GSTA2: variants seen among roughly 807,000 people sequenced by gnomAD.
The protein encoded by GSTA2 is glutathione S-transferase alpha 2.
A neutral mutation model predicts 22.4 loss-of-function variants in GSTA2; 27 were observed. The ratio of observed to expected loss-of-function variants is 1.21; its 90% CI spans 0.89 to 1.67. GSTA2 has a LOEUF of 1.67. GSTA2 is among the 40% of genes most tolerant of loss of function. The pLI is 0.00. For synonymous variants in GSTA2, 121 were observed against 86.8 expected (o/e 1.39, Z -2.19); for missense variants, 302 against 260.2 (o/e 1.16, Z -1.11).
At chr6:52,755,758 G>A (rs532962489) in intron 3 of GSTA2, among the ~76,000 whole-genome samples, 53 of 150,124 alleles carry the variant, frequency 3.5e-4, no homozygotes, top group South Asian at 1.0e-3. Flanking sequence ...TGGTGTTTAT[G>A]ATATTTAAGG....
intron 1 of GSTA2, among the ~76,000 whole-genome samples, chr6:52,762,189 G>T (rs540927205): frequency 2.6e-4 from 39 of 152,316 alleles, no homozygotes; most frequent in African/African-American, 8.9e-4. Context: ...CCATGTGATA[G>T]TCTGAAATAT....
chr6:52,750,914 T>C (rs73740505), intron 6 of GSTA2, among the ~76,000 whole-genome samples: 1,700 of 152,352 alleles, frequency 0.011, 32 homozygotes, highest in African/African-American at 0.038. Context: ...GAAATTTTAA[T>C]CAGTTCAGTC....
At position 52,750,595 on chromosome 6, in the gene GSTA2, C is replaced by T. The variant is rs753132704; in HGVS notation, c.651G>A (p.Arg217=). The change falls in exon 7 of 7, where the codon AGG becomes AGA. Residue 217 remains arginine (R), a synonymous_variant. Coordinates refer to ENST00000493422, the MANE Select transcript of GSTA2 (RefSeq NM_000846.5). ...PMDEKSLEES[R]KIFRF Reference sequence around the variant, plus strand: ...TGGTTTATTAAAACCTGAAAATCTTCCTTGATTCTTCTAAAGATTTCTCAT... The same window carrying T: ...TGGTTTATTAAAACCTGAAAATCTTTCTTGATTCTTCTAAAGATTTCTCAT... The T allele has an allele frequency of 1.2e-5, 19 of 1,613,796 alleles. No individual in the cohort carries two copies. The highest frequency in any genetic ancestry group is 2.2e-5 in the South Asian group (2 of 91,090).
intron 4 of GSTA2, among the ~76,000 whole-genome samples, chr6:52,753,980 T>G (rs1762793398): frequency 1.3e-5 from 2 of 152,226 alleles, no homozygotes; most frequent in Admixed American, 1.3e-4. Flanking sequence ...CTATAATATG[T>G]GGCCTTCTGT....
chr6:52,750,763 T>A, intron 6 of GSTA2, 64 bp from the exon 7 acceptor site: 1 of 1,583,076 alleles, frequency 6.3e-7, no homozygotes, highest in Non-Finnish European at 8.6e-7. Context: ...CCCATTAACA[T>A]GACCCAGGGA....
At chr6:52,761,114 A>T (rs1017884305) in intron 1 of GSTA2, among the ~76,000 whole-genome samples, 36 of 152,172 alleles carry the variant, frequency 2.4e-4, no homozygotes, top group Non-Finnish European at 3.7e-4. Flanking sequence ...CTCTTCTTAG[A>T]TTAGAGATAG....
At chr6:52,750,764 G>T (rs1296999939) in intron 6 of GSTA2, 65 bp from the exon 7 acceptor site, 6 of 1,580,742 alleles carry the variant, frequency 3.8e-6, no homozygotes, top group African/African-American at 1.4e-5. Context: ...CCATTAACAT[G>T]ACCCAGGGAA....
At chr6:52,754,896 A>G (rs773714078) in intron 4 of GSTA2, 47 bp downstream of exon 4, 1 of 1,610,902 alleles carries the variant, frequency 6.2e-7, no homozygotes, top group Non-Finnish European at 8.5e-7. Context: ...AAGGACCTAA[A>G]TCACTCTATG....
In GSTA2 at chr6:52,752,663, T is replaced by G. The variant is rs184171877; in HGVS notation, c.414+191A>C. Among the ~76,000 whole-genome samples the G allele has an allele frequency of 4.6e-5, 7 of 152,358 alleles. No homozygotes were observed. In the East Asian group the frequency reaches 1.3e-3, roughly 29 times the overall value. Reference sequence around the variant, plus strand: ...AAATTAAAATTTTACTGGAAGATTATAGCTTGGGTATAAGTGATACAATTG... The same window carrying G: ...AAATTAAAATTTTACTGGAAGATTAGAGCTTGGGTATAAGTGATACAATTG... On this transcript the variant is annotated intron_variant, in intron 5 of 6. Transcript: ENST00000493422.
chr6:52,758,232 G>A (rs1297022240), intron 1 of GSTA2, among the ~76,000 whole-genome samples: 1 of 152,154 alleles, frequency 6.6e-6, no homozygotes, highest in East Asian at 1.9e-4. Flanking sequence ...AGAGGTGAGA[G>A]TATGTGGTAA....
In GSTA2 at chr6:52,755,085, G is replaced by T. The variant is rs1411975149; in HGVS notation, c.140-10C>A. ...AACATCAAATATCCATCTTTAAGAG[G>T]AAGAAAAAAAAGGAGAGTGAAGTGT... On this transcript the variant is annotated splice_polypyrimidine_tract_variant and intron_variant, in intron 3 of 6. Coordinates refer to ENST00000493422, the MANE Select transcript of GSTA2 (RefSeq NM_000846.5). 2 of 1,602,336 alleles carry T rather than the reference G, an allele frequency of 1.2e-6. No homozygotes were observed. Among genetic ancestry groups the T allele is most frequent in the South Asian group, 2.3e-5 (2 of 88,792 alleles).
At chr6:52,758,119 T>G in intron 1 of GSTA2, 142 bp from the exon 2 acceptor site, 2 of 586,608 alleles carry the variant, frequency 3.4e-6, no homozygotes, top group Non-Finnish European at 6.0e-6. Context: ...GTTCCCGGAA[T>G]GTTTTCTTGG....
intron 1 of GSTA2, among the ~76,000 whole-genome samples, chr6:52,759,629 G>T (rs1381382214): frequency 3.6e-5 from 4 of 112,010 alleles, no homozygotes; most frequent in African/African-American, 1.4e-4. Context: ...TTTTTGCCCA[G>T]GCTGCAGTGC....
At chr6:52,754,603 C>T (rs1343067136) in intron 4 of GSTA2, among the ~76,000 whole-genome samples, 1 of 152,182 alleles carries the variant, frequency 6.6e-6, no homozygotes, top group Non-Finnish European at 1.5e-5. Context: ...CTATGCCTGT[C>T]CTAAGCCATT....
intron 5 of GSTA2, among the ~76,000 whole-genome samples, chr6:52,752,033 G>A (rs201862977): frequency 1.3e-5 from 2 of 152,140 alleles, no homozygotes; most frequent in Non-Finnish European, 2.9e-5. Flanking sequence ...CCCAGGCCCT[G>A]CAGTGTGGAG....
At chr6:52,756,175 C>G in intron 3 of GSTA2, 83 bp downstream of exon 3, 15 of 867,814 alleles carry the variant, frequency 1.7e-5, no homozygotes, top group Non-Finnish European at 9.8e-6. Flanking sequence ...GCCCCACACC[C>G]ATAGACATTG....
Position 52,760,376 on chromosome 6 carries a change from T to G in GSTA2, c.-30-2399A>C, listed in dbSNP as rs2608628. On this transcript the variant is annotated intron_variant, in intron 1 of 6. Transcript: ENST00000493422. Reference sequence around the variant, plus strand: ...GTCAGGCTAAGACTGAGACATAAGTTACCATTGAGCTTTGTTGGGTCAACA... The same window carrying G: ...GTCAGGCTAAGACTGAGACATAAGTGACCATTGAGCTTTGTTGGGTCAACA... 3.8e-3 allele frequency among the ~76,000 whole-genome samples: 577 copies of G among 152,306 alleles called. 5 individuals carry two copies. Among genetic ancestry groups the G allele is most frequent in the African/African-American group, 0.013 (537 of 41,572 alleles).
chr6:52,758,915 C>T (rs531587309), intron 1 of GSTA2, among the ~76,000 whole-genome samples: 1 of 152,262 alleles, frequency 6.6e-6, no homozygotes, highest in South Asian at 2.1e-4. Context: ...TTGTTATTCT[C>T]ATTTTACATT....
rs1762715329 is a variant in GSTA2, at chr6:52,750,516, T to G, written c.*61A>C. 1 of 1,565,628 alleles carries G rather than the reference T, an allele frequency of 6.4e-7. No individual in the cohort carries two copies. Among genetic ancestry groups the G allele is most frequent in the South Asian group, 1.1e-5 (1 of 88,500 alleles). On this transcript the variant is annotated 3_prime_UTR_variant, in exon 7 of 7. Coordinates refer to ENST00000493422, the MANE Select transcript of GSTA2 (RefSeq NM_000846.5). ...ACAATCAACACTTAGGTAAAGCACT[T>G]AATTGTTGCAAAACTTTAGAATACT...
Sources: gnomAD v4.1 joint callset for allele counts (sites outside exome capture counted in the v4.1 genomes callset) on GRCh38, gnomAD v4.1.1 for gene constraint, MANE v1.5 for transcripts, NCBI Gene and HGNC (gene_info 2026-07-23, HGNC 2026-07-21) for gene names.